NOL4: variants seen among roughly 807,000 people sequenced by gnomAD.
The protein encoded by NOL4 is cancer/testis antigen 125.
NOL4 carries 17 observed loss-of-function variants against 75.9 expected under a neutral mutation model. The observed-to-expected ratio is 0.22, with a 90% confidence interval of 0.15 to 0.34. The LOEUF is 0.34. Ranked by LOEUF, NOL4 falls within the 10% of genes least tolerant of loss-of-function variation. The pLI is 1.00. For synonymous variants in NOL4, 292 were observed against 289.9 expected (o/e 1.01, Z -0.07); for missense variants, 614 against 793.5 (o/e 0.77, Z 2.72).
In NOL4 at chr18:34,203,717, T is replaced by TCTCTCACA. The variant is rs1261546835; in HGVS notation, c.264+19272_264+19273insTGTGAGAG. 7.5e-3 allele frequency among the ~76,000 whole-genome samples: 540 copies of TCTCTCACA among 72,282 alleles called. 2 individuals carry two copies. The highest frequency in any genetic ancestry group is 0.015 in the East Asian group (30 of 1,980). The allele number at this position is 72,282 out of a possible 152,430, so 47.4% of individuals were successfully genotyped here. On this transcript the variant is annotated intron_variant, in intron 1 of 10. Transcript: ENST00000261592. Reference sequence around the variant, plus strand: ...CTCTCTCTCTCTCTCTCTCTCTCTCTCACACACACACACACACACACACAC... The same window carrying TCTCTCACA: ...CTCTCTCTCTCTCTCTCTCTCTCTCTCTCTCACACACACACACACACACACACACACAC...
At chr18:34,170,487 C>T (rs182991856) in intron 1 of NOL4, among the ~76,000 whole-genome samples, 179 of 152,094 alleles carry the variant, frequency 1.2e-3, no homozygotes, top group African/African-American at 3.9e-3. Flanking sequence ...CCACCACGCC[C>T]GGATGATAAT....
intron 6 of NOL4, among the ~76,000 whole-genome samples, chr18:33,970,659 T>C (rs896096729): frequency 2.0e-5 from 3 of 152,096 alleles, no homozygotes; most frequent in African/African-American, 4.8e-5. Flanking sequence ...TCATAACTTA[T>C]ACAGAATGTT....
At chr18:33,977,757 A>G (rs919492218) in intron 6 of NOL4, among the ~76,000 whole-genome samples, 10 of 152,312 alleles carry the variant, frequency 6.6e-5, no homozygotes, top group African/African-American at 2.2e-4. Context: ...ATATGTTCAT[A>G]TATGTATTGG....
At chr18:33,957,745 A>G (rs1283110512) in intron 7 of NOL4, among the ~76,000 whole-genome samples, 3 of 152,202 alleles carry the variant, frequency 2.0e-5, no homozygotes, top group Admixed American at 1.3e-4. Flanking sequence ...ACAGACAAAC[A>G]TACAGAAAAG....
intron 5 of NOL4, among the ~76,000 whole-genome samples, chr18:34,026,042 A>G (rs1036048203): frequency 1.3e-5 from 2 of 152,152 alleles, no homozygotes; most frequent in African/African-American, 4.8e-5. Context: ...CTCTTCCTGG[A>G]TTTACAGAAC....
In NOL4 at chr18:34,156,305, G is replaced by A. The variant is rs115582113; in HGVS notation, c.265-26285C>T. 8.8e-3 allele frequency among the ~76,000 whole-genome samples: 1,342 copies of A among 152,118 alleles called. 20 individuals carry two copies. The highest frequency in any genetic ancestry group is 0.03 in the African/African-American group (1,252 of 41,482). On this transcript the variant is annotated intron_variant, in intron 1 of 10. Coordinates refer to ENST00000261592, the MANE Select transcript of NOL4 (RefSeq NM_003787.5). ...TATCCTGTAAATAATTATTATTACTGTTATTCCTATTTTGTAGCTGGAGAA... is the reference window on the plus strand; with the variant it reads ...TATCCTGTAAATAATTATTATTACTATTATTCCTATTTTGTAGCTGGAGAA...
At chr18:33,868,317 C>T (rs1386206685) in intron 10 of NOL4, among the ~76,000 whole-genome samples, 4 of 151,758 alleles carry the variant, frequency 2.6e-5, no homozygotes, top group African/African-American at 7.3e-5. Flanking sequence ...TAGGTGTGAG[C>T]CACTGAGCCC....
chr18:34,000,364 C>T (rs537914116), intron 6 of NOL4, among the ~76,000 whole-genome samples: 1 of 149,002 alleles, frequency 6.7e-6, no homozygotes, highest in South Asian at 2.1e-4. Flanking sequence ...TTATACTATA[C>T]CACGATTCAA....
intron 9 of NOL4, among the ~76,000 whole-genome samples, chr18:33,907,443 G>A (rs756816084): frequency 1.3e-5 from 2 of 151,546 alleles, no homozygotes; most frequent in Non-Finnish European, 1.5e-5. Context: ...CATCAACACA[G>A]TTGTGTTTTA....
chr18:34,134,493 C>A (rs910092581), intron 1 of NOL4, among the ~76,000 whole-genome samples: 2 of 130,108 alleles, frequency 1.5e-5, no homozygotes, highest in African/African-American at 5.5e-5. Flanking sequence ...CACACACACA[C>A]ACATTGATGA....
At chr18:33,910,896 T>C (rs2066357016) in intron 9 of NOL4, among the ~76,000 whole-genome samples, 1 of 152,158 alleles carries the variant, frequency 6.6e-6, no homozygotes. Flanking sequence ...CACTTAATAT[T>C]TCCCGGTACA....
At chr18:34,174,692 G>A (rs183265161) in intron 1 of NOL4, among the ~76,000 whole-genome samples, 7 of 151,936 alleles carry the variant, frequency 4.6e-5, no homozygotes, top group East Asian at 1.9e-4. Context: ...CCCACCTCCC[G>A]ACAGGCCCCG....
intron 8 of NOL4, among the ~76,000 whole-genome samples, chr18:33,950,655 A>T (rs575117600): frequency 6.6e-6 from 1 of 152,296 alleles, no homozygotes; most frequent in East Asian, 1.9e-4. Context: ...GATAACAGCA[A>T]TATAAGACAG....
intron 1 of NOL4, among the ~76,000 whole-genome samples, chr18:34,138,991 A>G (rs867423377): frequency 3.3e-5 from 5 of 152,080 alleles, no homozygotes; most frequent in African/African-American, 1.2e-4. Flanking sequence ...ATTGATTTGC[A>G]TATGTTGAAG....
intron 9 of NOL4, among the ~76,000 whole-genome samples, chr18:33,934,800 C>T (rs530108923): frequency 2.0e-5 from 3 of 150,940 alleles, no homozygotes; most frequent in African/African-American, 7.3e-5. Context: ...TGAAAACTTT[C>T]TCCATAACAG....
intron 5 of NOL4, among the ~76,000 whole-genome samples, chr18:34,069,528 C>A (rs1227050726): frequency 6.6e-6 from 1 of 151,760 alleles, no homozygotes; most frequent in Non-Finnish European, 1.5e-5. Flanking sequence ...AAAATATCAA[C>A]CCATAGATCT....
intron 6 of NOL4, among the ~76,000 whole-genome samples, chr18:33,994,204 T>C (rs2073115864): frequency 6.6e-6 from 1 of 151,790 alleles, no homozygotes; most frequent in Non-Finnish European, 1.5e-5. Context: ...TAGATAATAG[T>C]TGAAGATTTC....
chr18:33,870,862 G>T (rs1228648648), intron 10 of NOL4, among the ~76,000 whole-genome samples: 1 of 151,998 alleles, frequency 6.6e-6, no homozygotes, highest in Non-Finnish European at 1.5e-5. Flanking sequence ...ATTTCCTAAT[G>T]GATTTAAATT....
At chr18:34,099,125 G>A (rs992873967) in intron 4 of NOL4, among the ~76,000 whole-genome samples, 1 of 151,902 alleles carries the variant, frequency 6.6e-6, no homozygotes, top group East Asian at 1.9e-4. Flanking sequence ...CACTTTGGGA[G>A]GCTGAGGCAG....
Sources: allele counts gnomAD v4.1 joint callset (sites outside exome capture counted in the v4.1 genomes callset), GRCh38; gene constraint gnomAD v4.1.1; transcripts MANE v1.5; gene names NCBI Gene and HGNC (gene_info 2026-07-23, HGNC 2026-07-21).